Variants in WNK4 observed in about 807,000 individuals in gnomAD.
The protein encoded by WNK4 is WNK lysine deficient protein kinase 4.
A neutral mutation model predicts 116.2 loss-of-function variants in WNK4; 94 were observed. That is an observed-to-expected ratio of 0.81 (90% CI 0.68 to 0.96). The LOEUF is 0.96. Among genes scored for constraint, WNK4 ranks in the 40% least tolerant of loss-of-function variants. The pLI is 0.00. For synonymous variants in WNK4, 655 were observed against 672.7 expected, an observed-to-expected ratio of 0.97 and a Z score of 0.41; for missense variants, 1,542 against 1,650.6, an observed-to-expected ratio of 0.93 and a Z score of 1.14.
chr17:42,791,650 AAAG>A (rs1285504912), intron 11 of WNK4, among the ~76,000 whole-genome samples: 1 of 150,586 alleles, frequency 6.6e-6, no homozygotes, highest in Non-Finnish European at 1.5e-5. Flanking sequence ...AAAAAAAAAA[AAAG>A]AAGAAAGAAA....
intron 13 of WNK4, 33 bp downstream of exon 13, chr17:42,794,701 ACCCCTGGGGTTG>A (rs1343552605): frequency 1.5e-5 from 24 of 1,612,842 alleles, no homozygotes; most frequent in Non-Finnish European, 1.8e-5. Flanking sequence ...GCTCATCCCA[ACCCCTGGGGTTG>A]CTCCTGGGAA....
At chr17:42,794,097 G>A (rs189501636) in intron 12 of WNK4, 70 of 334,468 alleles carry the variant, frequency 2.1e-4, no homozygotes, top group Middle Eastern at 2.1e-3. Context: ...CTCGTGATCC[G>A]CCCTCCTCGG....
Position 42,788,393 on chromosome 17 carries a change from C to T in WNK4, c.2026C>T (p.Leu676=). 1.2e-6 allele frequency: 2 copies of T among 1,612,742 alleles called. No individual in the cohort carries two copies. Among genetic ancestry groups the T allele is most frequent in the Non-Finnish European group, 1.7e-6 (2 of 1,179,970 alleles). The stretch of plus-strand genomic sequence containing the variant: ...TCTCCGGCGCAGACCCCGATCCCGG[C>T]TGCGGGTCACTAGTGTAAGGATGGA... ...RNLRRRPRSR[L]RVTSVSDQND... Residue 676 remains leucine (L), a synonymous_variant, in exon 10 of 19, where the codon CTG becomes TTG. Transcript: ENST00000246914.
Position 42,795,677 on chromosome 17 carries a change from GGCTGA to G in WNK4, c.3078_3082del (p.Glu1027SerfsTer44), listed in dbSNP as rs764786591. ...TCCAAGTGACTTCATCCAAGGAACC[GGCTGA>G]GCCTCTTCCCTTGCAGCCAACATCC... On this transcript the variant is annotated frameshift_variant, in exon 16 of 19. Transcript: ENST00000246914. LOFTEE classifies it high-confidence loss of function. 6.2e-7 allele frequency: 1 copy of G among 1,613,144 alleles called. No homozygotes were observed. The highest frequency in any genetic ancestry group is 1.7e-5 in the Admixed American group (1 of 60,024).
chr17:42,795,376 G>A lies in WNK4; in HGVS notation c.2955G>A (p.Glu985=). Residue 985 remains glutamate (E), a synonymous_variant, in exon 14 of 19, where the codon GAG becomes GAA. Coordinates refer to ENST00000246914, the MANE Select transcript of WNK4 (RefSeq NM_032387.5). ...CTTCACCCCACACAGCTGAGGTGGAGAGTGAGGTGAGTAGAAAACCAAGAG... is the reference window on the plus strand; with the variant it reads ...CTTCACCCCACACAGCTGAGGTGGAAAGTGAGGTGAGTAGAAAACCAAGAG... The part of the protein sequence containing the change: ...ESPSPHTAEV[E]SEASPPPARP... 1 of 1,614,078 alleles carries A rather than the reference G, an allele frequency of 6.2e-7. No homozygotes were observed. Among genetic ancestry groups the A allele is most frequent in the Non-Finnish European group, 8.5e-7 (1 of 1,180,028 alleles).
chr17:42,791,499 C>A (rs562083103), intron 11 of WNK4, among the ~76,000 whole-genome samples: 1 of 151,938 alleles, frequency 6.6e-6, no homozygotes, highest in East Asian at 1.9e-4. Flanking sequence ...ATTAGCTGGG[C>A]GTGGTGGCGC....
rs1363280477 is a variant in WNK4 at position 42,781,019 on chromosome 17, G to A, written c.321G>A (p.Glu107=). Residue 107 remains glutamate (E), a synonymous_variant, in exon 1 of 19, where the codon GAG becomes GAA. Transcript: ENST00000246914. ...CGCCTAGCTCCAAAGAACCCCCCGAGGGCACGTGGACCGAGGGAGCCCCTG... is the reference window on the plus strand; with the variant it reads ...CGCCTAGCTCCAAAGAACCCCCCGAAGGCACGTGGACCGAGGGAGCCCCTG... ...SPPPSSKEPP[E]GTWTEGAPVK... 5.0e-6 allele frequency: 8 copies of A among 1,610,390 alleles called. No homozygotes were observed. The highest frequency in any genetic ancestry group is 6.8e-6 in the Non-Finnish European group (8 of 1,179,228).
chr17:42,792,303 T>TA (rs58572083), intron 11 of WNK4, among the ~76,000 whole-genome samples: 11,241 of 152,286 alleles, frequency 0.074, 1,233 homozygotes, highest in African/African-American at 0.23. Flanking sequence ...TCCAAAGACT[T>TA]ACTCTGTGAA....
At chr17:42,785,209 G>A (rs1384719642) in intron 5 of WNK4, 24 bp downstream of exon 5, 2 of 1,611,836 alleles carry the variant, frequency 1.2e-6, no homozygotes, top group Admixed American at 1.7e-5. Flanking sequence ...GGCAGAGCGT[G>A]GGTAGAATAG....
At position 42,796,762 on chromosome 17, in the gene WNK4, T is replaced by C; in HGVS notation, c.*74T>C. 6.2e-7 allele frequency: 1 copy of C among 1,614,106 alleles called. No homozygotes were observed. Among genetic ancestry groups the C allele is most frequent in the East Asian group, 2.2e-5 (1 of 44,886 alleles). On this transcript the variant is annotated 3_prime_UTR_variant, in exon 19 of 19. Transcript: ENST00000246914. ...AGCTTGTGTTCTCAGAATCTGATGC[T>C]TTCTGATCAACAAAACTGAGCAAGG...
Position 42,795,130 on chromosome 17 carries a change from C to T in WNK4, c.2709C>T (p.Ser903=). The part of the protein sequence containing the change: ...SPTCSQVTLS[S]PFFPPCPSTS... ...CTTGTTCTCAGGTCACTCTTAGTTC[C>T]CCTTTCTTTCCTCCGTGCCCCTCCA... Residue 903 remains serine, a synonymous_variant, in exon 14 of 19, where the codon TCC becomes TCT. Coordinates refer to ENST00000246914, the MANE Select transcript of WNK4 (RefSeq NM_032387.5). The T allele has an allele frequency of 3.1e-6, 5 of 1,614,054 alleles. No individual in the cohort carries two copies. The highest frequency in any genetic ancestry group is 1.3e-5 in the African/African-American group (1 of 74,998).
chr17:42,793,997 C>T (rs773553736), intron 12 of WNK4: 20 of 409,580 alleles, frequency 4.9e-5, no homozygotes, highest in Non-Finnish European at 7.7e-5. Flanking sequence ...GGACTACAGG[C>T]GCTCGCCACC....
Position 42,796,035 on chromosome 17 carries a change from T to C in WNK4, c.3431+2T>C, listed in dbSNP as rs1286985621. The C allele has an allele frequency of 1.2e-6, 2 of 1,613,578 alleles. No homozygotes were observed. The highest frequency in any genetic ancestry group is 1.7e-6 in the Non-Finnish European group (2 of 1,179,980). ...TGAGCTGCAGAGTCTTCGGCAGAAG[T>C]GAGTCTCGGGAGGATGGAGGAGTGA... is the stretch of plus-strand genomic sequence containing the variant. On this transcript the variant is annotated splice_donor_variant, in intron 16 of 18. Coordinates refer to ENST00000246914, the MANE Select transcript of WNK4 (RefSeq NM_032387.5). LOFTEE classifies it high-confidence loss of function.
In WNK4 at chr17:42,784,396, T is replaced by C. The variant is rs2054519005; in HGVS notation, c.1013-26T>C. 1 of 1,610,684 alleles carries C rather than the reference T, an allele frequency of 6.2e-7. No individual in the cohort carries two copies. Among genetic ancestry groups the C allele is most frequent in the Admixed American group, 1.7e-5 (1 of 59,566 alleles). On this transcript the variant is annotated intron_variant, in intron 3 of 18. Coordinates refer to ENST00000246914, the MANE Select transcript of WNK4 (RefSeq NM_032387.5). The surrounding 1 kb of genome is among the most constrained non-coding windows in gnomAD (Gnocchi z 4.4). ...AGGACGAGGCCAGAGTGCCCAGCAA[T>C]CTGATCCCTGCTGTGGACCCTACAG...
In WNK4 at chr17:42,796,204, C is replaced by G. The variant is rs774665068; in HGVS notation, c.3513C>G (p.Pro1171=). ...TGTACAGCCGGCTGGGGAAGCAGCCCCCACCGGGTATTGTGGCCCCAGCTG... is the reference window on the plus strand; with the variant it reads ...TGTACAGCCGGCTGGGGAAGCAGCCGCCACCGGGTATTGTGGCCCCAGCTG... The part of the protein sequence containing the change: ...EDLYSRLGKQ[P]PPGIVAPAAM... Residue 1171 remains proline, a synonymous_variant, in exon 17 of 19, where the codon CCC becomes CCG. Transcript: ENST00000246914. The G allele has an allele frequency of 1.2e-6, 2 of 1,613,904 alleles. No homozygotes were observed. The highest frequency in any genetic ancestry group is 1.7e-6 in the Non-Finnish European group (2 of 1,179,956).
intron 11 of WNK4, among the ~76,000 whole-genome samples, chr17:42,789,773 A>C (rs1357366097): frequency 1.3e-5 from 2 of 152,110 alleles, no homozygotes; most frequent in Admixed American, 1.3e-4. Context: ...TGGGTGGATG[A>C]AGTAGGAGGA....
chr17:42,784,538 G>A lies in WNK4; in HGVS notation c.1129G>A (p.Glu377Lys). 1 of 1,614,122 alleles carries A rather than the reference G, an allele frequency of 6.2e-7. No individual in the cohort carries two copies. Among genetic ancestry groups the A allele is most frequent in the Non-Finnish European group, 8.5e-7 (1 of 1,180,008 alleles). ...GGCCACCTCTGAGTACCCGTACTCC[G>A]AGTGCCAGAATGCCGCGCAAATCTA... is the stretch of plus-strand genomic sequence containing the variant. ...EMATSEYPYS[E>K]CQNAAQIYRK... Residue 377 changes from glutamate (E) to lysine (K), a missense_variant, in exon 4 of 19, where the codon GAG (glutamate) becomes AAG (lysine). By Grantham distance (56) the Glu-to-Lys change is moderately conservative. Coordinates refer to ENST00000246914, the MANE Select transcript of WNK4 (RefSeq NM_032387.5). This position sits in a 1 kb window ranked among gnomAD's most constrained non-coding sequence, Gnocchi z 4.4.
At chr17:42,794,540 G>A (rs1463427930) in intron 12 of WNK4, 74 bp from the exon 13 acceptor site, 15 of 1,565,666 alleles carry the variant, frequency 9.6e-6, no homozygotes, top group African/African-American at 1.4e-5. Context: ...CCTAGCTTAG[G>A]AACCCCGGTC....
In WNK4 at chr17:42,780,614, C is replaced by A; in HGVS notation, c.-85C>A. The stretch of plus-strand genomic sequence containing the variant: ...TGGGGCCGCAGCCGCTCAGCCGGAG[C>A]GCAGCGCACCCAGCGAGTCCGTCTG... On this transcript the variant is annotated 5_prime_UTR_variant, in exon 1 of 19. Transcript: ENST00000246914. 1 of 1,555,902 alleles carries A rather than the reference C, an allele frequency of 6.4e-7. No individual in the cohort carries two copies. Among genetic ancestry groups the A allele is most frequent in the Non-Finnish European group, 8.7e-7 (1 of 1,150,770 alleles).
Sources: allele counts gnomAD v4.1 joint callset (sites outside exome capture counted in the v4.1 genomes callset), GRCh38; gene constraint gnomAD v4.1.1; non-coding constraint Gnocchi (gnomAD v3.1); transcripts MANE v1.5; gene names NCBI Gene and HGNC (gene_info 2026-07-23, HGNC 2026-07-21).